The following FAM114A2 variants were observed in gnomAD, a reference collection of about 807,000 sequenced individuals.
FAM114A2 encodes the protein family with sequence similarity 114 member A2, also known as protein FAM114A2.
In FAM114A2, 53 loss-of-function variants were observed where a neutral mutation model predicts 58.4. The observed-to-expected ratio is 0.91, with a 90% CI of 0.73 to 1.14. FAM114A2 has a LOEUF of 1.14. Among genes scored for constraint, FAM114A2 ranks in the 50% most tolerant of loss-of-function variants. The probability of loss-of-function intolerance (pLI) is 0.00; values close to 1 mark genes in which losing one functional copy is unlikely to be tolerated. For missense variants in FAM114A2, 601 were observed against 581.1 expected, an observed-to-expected ratio of 1.03 and a Z score of -0.35; for synonymous variants, 228 against 211.4, an observed-to-expected ratio of 1.08 and a Z score of -0.68.
chr5:153,993,438 T>C (rs1769360696), intron 13 of FAM114A2, among the ~76,000 whole-genome samples: 1 of 152,182 alleles, frequency 6.6e-6, no homozygotes, highest in Admixed American at 6.5e-5. Context: ...TGTCACAATA[T>C]TGTGGTCAAT....
intron 9 of FAM114A2, among the ~76,000 whole-genome samples, chr5:154,003,755 T>C (rs1185431472): frequency 6.6e-6 from 1 of 152,218 alleles, no homozygotes; most frequent in Non-Finnish European, 1.5e-5. Context: ...TATAAGTTCA[T>C]TCTAATTTGT....
chr5:154,034,296 C>A lies in FAM114A2; in HGVS notation c.292G>T (p.Ala98Ser). Reference sequence around the variant, plus strand: ...ATCTTACCTACTGTAGCTACTGTAGCCGAGGCTGAGGAGAGTATGGACTTG... The same window carrying A: ...ATCTTACCTACTGTAGCTACTGTAGACGAGGCTGAGGAGAGTATGGACTTG... ...WGKSILSSAS[A>S]TVATVGQGIS... The change falls in exon 3 of 14, where the codon GCT becomes TCT. Residue 98 changes from alanine to serine, a missense_variant. Physicochemically the swap from Ala to Ser is moderately conservative, Grantham distance 99. Transcript: ENST00000351797. 1 of 1,588,144 alleles carries A rather than the reference C, an allele frequency of 6.3e-7. No individual in the cohort carries two copies.
chr5:154,024,599 T>C (rs1430136910), intron 8 of FAM114A2, among the ~76,000 whole-genome samples: 1 of 152,190 alleles, frequency 6.6e-6, no homozygotes, highest in East Asian at 1.9e-4. Context: ...AGTATTTTAA[T>C]AGCCTTTTCA....
Position 154,028,221 on chromosome 5 carries a change from A to G in FAM114A2, c.558T>C (p.Asp186=), listed in dbSNP as rs1771931433. The stretch of plus-strand genomic sequence containing the variant: ...ATCCAGGATCCCCTTCTGCTATCAC[A>G]TCCATTGTCTTTTTTCCAATGAATT... ...ALEFIGKKTM[D]VIAEGDPGFK... The change falls in exon 6 of 14, where the codon GAT becomes GAC. Residue 186 remains aspartate, a synonymous_variant. Transcript: ENST00000351797. 3 of 1,611,370 alleles carry G rather than the reference A, an allele frequency of 1.9e-6. No homozygotes were observed. The highest frequency in any genetic ancestry group is 2.5e-6 in the Non-Finnish European group (3 of 1,177,854).
intron 9 of FAM114A2, among the ~76,000 whole-genome samples, chr5:154,003,202 G>C (rs910898660): frequency 7.5e-5 from 11 of 147,302 alleles, no homozygotes; most frequent in African/African-American, 2.8e-4. Flanking sequence ...TTTTGAGATG[G>C]AATTTCGCTC....
chr5:153,996,264 A>G (rs1294753923), intron 12 of FAM114A2, among the ~76,000 whole-genome samples: 1 of 152,208 alleles, frequency 6.6e-6, no homozygotes, highest in African/African-American at 2.4e-5. Context: ...CCAACTGATT[A>G]TCAACAAAGA....
chr5:154,017,429 C>T (rs1227966313), intron 8 of FAM114A2, among the ~76,000 whole-genome samples: 2 of 151,910 alleles, frequency 1.3e-5, no homozygotes, highest in East Asian at 1.9e-4. Flanking sequence ...GCAACAAGAG[C>T]GAAACTCCAT....
In FAM114A2 at chr5:154,032,473, C is replaced by A. The variant is rs556060044; in HGVS notation, c.403+1318G>T. On this transcript the variant is annotated intron_variant, in intron 4 of 13. Coordinates refer to ENST00000351797, the MANE Select transcript of FAM114A2 (RefSeq NM_018691.4). ...TTAACATATTCAAAGCCACTTCTAA[C>A]CCCCTTTTTCCTTGGCTGCTAAACC... Among the ~76,000 whole-genome samples, 3 of 152,248 alleles carry A rather than the reference C, an allele frequency of 2.0e-5. No homozygotes were observed. In the South Asian group the frequency reaches 6.2e-4, roughly 32 times the overall value.
In FAM114A2 at chr5:154,026,454, G is replaced by C. The variant is rs775675279; in HGVS notation, c.858C>G (p.Leu286=). ...ATTCTGCTAGAGAAAATGTTTCTTT[G>C]AGTTGCTCTAATTCAACTTTTAGAG... ...LETLKVELEQ[L]KETFSLAEFC... Residue 286 remains leucine, a synonymous_variant, in exon 8 of 14, where the codon CTC becomes CTG. Coordinates refer to ENST00000351797, the MANE Select transcript of FAM114A2 (RefSeq NM_018691.4). 13 of 1,577,488 alleles carry C rather than the reference G, an allele frequency of 8.2e-6. No homozygotes were observed. In the African/African-American group the frequency reaches 1.6e-4, roughly 20 times the overall value.
At position 154,027,316 on chromosome 5, in the gene FAM114A2, C is replaced by A; in HGVS notation, c.649G>T (p.Glu217Ter). The change falls in exon 7 of 14, where the codon GAG becomes TAG. Residue 217 changes from glutamate to a stop codon, truncating the protein, a stop_gained. Coordinates refer to ENST00000351797, the MANE Select transcript of FAM114A2 (RefSeq NM_018691.4). LOFTEE classifies it high-confidence loss of function. ...TTGGAGGTCCGTATCTCTTCTTTCT[C>A]CTTCGCCTCTCGTAAAACCTAAAAA... ...TLSQVLREAK[E>*]KEEIRTSNEV... 3 of 1,611,584 alleles carry A rather than the reference C, an allele frequency of 1.9e-6. No homozygotes were observed. Among genetic ancestry groups the A allele is most frequent in the Non-Finnish European group, 2.5e-6 (3 of 1,179,222 alleles).
In FAM114A2 at chr5:154,020,889, A is replaced by T. The variant is rs547467835; in HGVS notation, c.913+5510T>A. ...TATCCCTGATGAACATCAATGCAAA[A>T]ATCCTCAATAAAATACTGGCAAACC... On this transcript the variant is annotated intron_variant, in intron 8 of 13. Coordinates refer to ENST00000351797, the MANE Select transcript of FAM114A2 (RefSeq NM_018691.4). 2.0e-5 allele frequency among the ~76,000 whole-genome samples: 3 copies of T among 152,282 alleles called. No homozygotes were observed. The East Asian group carries it at 5.8e-4, about 29-fold the overall frequency.
At chr5:154,027,383 G>A (rs1771863824) in intron 6 of FAM114A2, 49 bp from the exon 7 acceptor site, 1 of 1,508,530 alleles carries the variant, frequency 6.6e-7, no homozygotes, top group Non-Finnish European at 9.0e-7. Context: ...GAGAGCTCAA[G>A]GGTGAGTTCT....
chr5:154,036,805 A>G (rs949212069), intron 1 of FAM114A2: 2 of 152,254 alleles, frequency 1.3e-5, no homozygotes. Flanking sequence ...TGGCCTGCAC[A>G]GTATTTAACC....
At chr5:154,010,932 A>T (rs981344229) in intron 9 of FAM114A2, among the ~76,000 whole-genome samples, 1 of 152,196 alleles carries the variant, frequency 6.6e-6, no homozygotes, top group African/African-American at 2.4e-5. Context: ...ACCCACTGGA[A>T]TCATGAGGCT....
In FAM114A2 at chr5:154,001,194, A is replaced by G. The variant is rs990297615; in HGVS notation, c.1256+1057T>C. The stretch of plus-strand genomic sequence containing the variant: ...CATATATACACATACACACATATGT[A>G]TACATATACACACATATATATTCAT... On this transcript the variant is annotated intron_variant, in intron 11 of 13. Transcript: ENST00000351797. Among the ~76,000 whole-genome samples the G allele has an allele frequency of 2.6e-5, 4 of 152,350 alleles. No homozygotes were observed. The South Asian group carries it at 8.3e-4, about 32-fold the overall frequency.
intron 8 of FAM114A2, 72 bp from the exon 9 acceptor site, chr5:154,011,392 AAGAGG>A (rs1289724929): frequency 2.1e-6 from 2 of 974,044 alleles, no homozygotes; most frequent in East Asian, 2.4e-5. Flanking sequence ...GGCGAGGAGG[AAGAGG>A]AGAGGAGTGG....
intron 2 of FAM114A2, 64 bp downstream of exon 2, chr5:154,034,680 G>T: frequency 8.3e-7 from 1 of 1,199,044 alleles, no homozygotes; most frequent in Non-Finnish European, 1.2e-6. Context: ...ATTTCTTTTA[G>T]CCCCAACATT....
chr5:154,015,405 G>C (rs575329685), intron 8 of FAM114A2, among the ~76,000 whole-genome samples: 1 of 152,020 alleles, frequency 6.6e-6, no homozygotes, highest in African/African-American at 2.4e-5. Context: ...AAACAGGTGC[G>C]GGTATCCACA....
chr5:154,019,216 A>T (rs914964287), intron 8 of FAM114A2, among the ~76,000 whole-genome samples: 8 of 152,230 alleles, frequency 5.3e-5, no homozygotes, highest in Non-Finnish European at 7.3e-5. Flanking sequence ...TAATGTACAC[A>T]AATCAGTAGC....
Sources: gnomAD v4.1 joint callset for allele counts (sites outside exome capture counted in the v4.1 genomes callset) on GRCh38, gnomAD v4.1.1 for gene constraint, MANE v1.5 for transcripts, NCBI Gene and HGNC (gene_info 2026-07-23, HGNC 2026-07-21) for gene names.